Variants in VPS18 observed in about 807,000 individuals in gnomAD.
The protein encoded by VPS18 is vacuolar protein sorting-associated protein 18 homolog.
A neutral mutation model predicts 82.0 loss-of-function variants in VPS18; 25 were observed. The ratio of observed to expected loss-of-function variants is 0.30; its 90% CI spans 0.22 to 0.43. VPS18 has a LOEUF of 0.43. Among genes scored for constraint, VPS18 ranks in the 20% least tolerant of loss-of-function variants. The pLI is 1.00. For missense variants in VPS18, 1,168 were observed against 1,311.1 expected, an observed-to-expected ratio of 0.89 and a Z score of 1.69; for synonymous variants, 523 against 543.0, an observed-to-expected ratio of 0.96 and a Z score of 0.51.
chr15:40,896,592 C>G (rs1328230838), intron 2 of VPS18, among the ~76,000 whole-genome samples: 1 of 151,776 alleles, frequency 6.6e-6, no homozygotes, highest in East Asian at 1.9e-4. Context: ...GGGTGGATCA[C>G]CTGAGGTCAG....
chr15:40,902,185 T>A lies in VPS18; in HGVS notation c.2197-431T>A, dbSNP rs1036985719. ...AGGAGTGCAGTGGCCCAATCTCGGC[T>A]CACTGCAAGCTCAGCCTCCCAGGTT... On this transcript the variant is annotated intron_variant, in intron 4 of 4. Coordinates refer to ENST00000220509, the MANE Select transcript of VPS18 (RefSeq NM_020857.3). This position sits in a 1 kb window ranked among gnomAD's most constrained non-coding sequence, Gnocchi z 4.2. Among the ~76,000 whole-genome samples the A allele has an allele frequency of 2.0e-5, 3 of 151,476 alleles. No individual in the cohort carries two copies. The highest frequency in any genetic ancestry group is 4.4e-5 in the Non-Finnish European group (3 of 67,894).
chr15:40,903,173 C>T lies in VPS18; in HGVS notation c.2754C>T (p.Ala918=), dbSNP rs201549756. The T allele has an allele frequency of 8.5e-4, 1,359 of 1,606,444 alleles. 1 individual carries two copies. Among genetic ancestry groups the T allele is most frequent in the East Asian group, 3.4e-3 (150 of 44,592 alleles). The part of the protein sequence containing the change: ...PAKGSARAKE[A]EGGAATAGPS... ...AGGGCTCTGCCCGGGCCAAGGAGGC[C>T]GAGGGTGGGGCTGCCACGGCAGGGC... The change falls in exon 5 of 5, where the codon GCC becomes GCT. Residue 918 remains alanine, a synonymous_variant. Transcript: ENST00000220509.
chr15:40,898,266 T>C (rs1170824297), intron 2 of VPS18, among the ~76,000 whole-genome samples: 1 of 150,450 alleles, frequency 6.6e-6, no homozygotes, highest in African/African-American at 2.5e-5. Context: ...TTTTTTTTTT[T>C]TCCCCCCTTT....
intron 2 of VPS18, chr15:40,898,690 C>G: frequency 1.7e-6 from 1 of 593,448 alleles, no homozygotes; most frequent in Non-Finnish European, 3.0e-6. Context: ...CCAGTCTGGT[C>G]TCAAACTCCT....
chr15:40,903,117 A>G lies in VPS18; in HGVS notation c.2698A>G (p.Arg900Gly). 6.2e-7 allele frequency: 1 copy of G among 1,612,406 alleles called. No homozygotes were observed. Among genetic ancestry groups the G allele is most frequent in the African/African-American group, 1.3e-5 (1 of 75,000 alleles). ...YKQARLEELQ[R>G]KLGAAPPPAK... is the part of the protein sequence containing the mutation. ...GCAGGCCCGGCTGGAGGAGCTGCAG[A>G]GGAAGCTGGGGGCTGCTCCACCCCC... is the stretch of plus-strand genomic sequence containing the variant. Residue 900 changes from arginine (R) to glycine (G), a missense_variant, in exon 5 of 5, where the codon AGG becomes GGG. Physicochemically the swap from Arg to Gly is moderately radical, Grantham distance 125 (BLOSUM62 -2). Coordinates refer to ENST00000220509, the MANE Select transcript of VPS18 (RefSeq NM_020857.3).
At position 40,894,690 on chromosome 15, in the gene VPS18, C is replaced by T; in HGVS notation, c.-79C>T. 1 of 1,401,704 alleles carries T rather than the reference C, an allele frequency of 7.1e-7. No individual in the cohort carries two copies. The highest frequency in any genetic ancestry group is 2.7e-5 in the East Asian group (1 of 37,092). The allele number at this position is 1,401,704 out of a possible 1,614,324, so 86.8% of individuals were successfully genotyped here. A position where few individuals can be genotyped will look rare whatever the true frequency, so the allele number is the denominator to read the frequency against. On this transcript the variant is annotated 5_prime_UTR_variant, in exon 1 of 5. Coordinates refer to ENST00000220509, the MANE Select transcript of VPS18 (RefSeq NM_020857.3). ...AGGCTGGGGAGTTACAGCTTCCATT[C>T]TGGGGCGACGGGGACCCCGGGGGGG...
rs781370083 is a variant in VPS18, at chr15:40,898,893, GC to G, written c.234-13del. 1.2e-6 allele frequency: 2 copies of G among 1,611,876 alleles called. No homozygotes were observed. The highest frequency in any genetic ancestry group is 2.2e-5 in the South Asian group (2 of 90,776). On this transcript the variant is annotated splice_polypyrimidine_tract_variant and intron_variant, in intron 2 of 4. Coordinates refer to ENST00000220509, the MANE Select transcript of VPS18 (RefSeq NM_020857.3). ...TTCCCTTCTCTAAAGTGATGGTGAC[GC>G]TTGTCCCCACAGCATTGACTTGGGC...
At position 40,902,348 on chromosome 15, in the gene VPS18, C is replaced by T. The variant is rs1177826671; in HGVS notation, c.2197-268C>T. 6.6e-6 allele frequency among the ~76,000 whole-genome samples: 1 copy of T among 152,128 alleles called. No individual in the cohort carries two copies. Among genetic ancestry groups the T allele is most frequent in the Non-Finnish European group, 1.5e-5 (1 of 68,010 alleles). Reference sequence around the variant, plus strand: ...CAGGATGGTCTCGATCTCCTGACCTCGTGATCTGCCTGCCTTGGCCTCCCA... The same window carrying T: ...CAGGATGGTCTCGATCTCCTGACCTTGTGATCTGCCTGCCTTGGCCTCCCA... On this transcript the variant is annotated intron_variant, in intron 4 of 4. Coordinates refer to ENST00000220509, the MANE Select transcript of VPS18 (RefSeq NM_020857.3). The surrounding 1 kb of genome is among the most constrained non-coding windows in gnomAD (Gnocchi z 4.2).
rs574087778 is a variant in VPS18 at position 40,900,242 on chromosome 15, G to A, written c.1424G>A (p.Arg475Gln). The change falls in exon 4 of 5, where the codon CGA becomes CAA. Residue 475 changes from arginine (R) to glutamine (Q), a missense_variant. This residue lies in a region of VPS18 where 868 missense variants were observed against 939.8 expected (regional missense o/e 0.92). Transcript: ENST00000220509. The surrounding 1 kb of genome is among the most constrained non-coding windows in gnomAD (Gnocchi z 5.4). ...QEEALAEFLQ[R>Q]KLASLKPAER... ...GAGGCTCTGGCTGAGTTCCTGCAGC[G>A]AAAACTGGCCAGTTTGAAGCCAGCC... 2.2e-5 allele frequency: 35 copies of A among 1,613,720 alleles called. No homozygotes were observed. The highest frequency in any genetic ancestry group is 1.7e-4 in the Admixed American group (10 of 60,018).
In VPS18 at chr15:40,900,342, C is replaced by T. The variant is rs79536497; in HGVS notation, c.1524C>T (p.Gly508=). ...TGAGCCGGCTTGGGGCTCTGCAGGG[C>T]GACCCAGAGGCCCTGACTCTCTACC... ...LYLSRLGALQ[G]DPEALTLYRE... Residue 508 remains glycine (G), a synonymous_variant, in exon 4 of 5, where the codon GGC becomes GGT. Coordinates refer to ENST00000220509, the MANE Select transcript of VPS18 (RefSeq NM_020857.3). The surrounding 1 kb of genome is among the most constrained non-coding windows in gnomAD (Gnocchi z 5.4). 9,305 of 1,613,592 alleles carry T rather than the reference C, an allele frequency of 5.8e-3. 29 individuals are homozygous for T. The highest frequency in any genetic ancestry group is 7.2e-3 in the Non-Finnish European group (8,465 of 1,180,000).
At position 40,899,584 on chromosome 15, in the gene VPS18, C is replaced by T. The variant is rs773794082; in HGVS notation, c.766C>T (p.Pro256Ser). The change falls in exon 4 of 5, where the codon CCC becomes TCC. Residue 256 changes from proline to serine, a missense_variant. Physicochemically the swap from Pro to Ser is moderately conservative, Grantham distance 74. This residue lies in a region of VPS18 where 868 missense variants were observed against 939.8 expected (regional missense o/e 0.92). Coordinates refer to ENST00000220509, the MANE Select transcript of VPS18 (RefSeq NM_020857.3). The surrounding 1 kb of genome is among the most constrained non-coding windows in gnomAD (Gnocchi z 4.4). ...CTTTGCAGCTTACACGGACCACCCA[C>T]CCCCATTCCGTGAGTTTCCCAGCAA... ...GLFAAYTDHP[P>S]PFREFPSNLG... The T allele has an allele frequency of 6.2e-7, 1 of 1,608,534 alleles. No individual in the cohort carries two copies. The highest frequency in any genetic ancestry group is 8.5e-7 in the Non-Finnish European group (1 of 1,180,004).
chr15:40,896,608 C>G (rs557607436), intron 2 of VPS18, among the ~76,000 whole-genome samples: 12 of 151,426 alleles, frequency 7.9e-5, no homozygotes, highest in African/African-American at 2.9e-4. Flanking sequence ...GTCAGGAGTT[C>G]GACACCAGCC....
chr15:40,902,768 C>T lies in VPS18; in HGVS notation c.2349C>T (p.Leu783=), dbSNP rs1400161054. Residue 783 remains leucine, a synonymous_variant, in exon 5 of 5, where the codon CTC becomes CTT. Transcript: ENST00000220509. The surrounding 1 kb of genome is among the most constrained non-coding windows in gnomAD (Gnocchi z 4.2). The part of the protein sequence containing the change: ...AMACLASCPL[L]KIEDVLPFFP... ...CTTGCCTGGCTAGCTGCCCCTTGCT[C>T]AAGATTGAGGATGTGCTGCCCTTCT... The T allele has an allele frequency of 6.2e-7, 1 of 1,614,248 alleles. No individual in the cohort carries two copies. Among genetic ancestry groups the T allele is most frequent in the African/African-American group, 1.3e-5 (1 of 75,068 alleles).
chr15:40,896,113 A>T, intron 2 of VPS18, 34 bp downstream of exon 2: 1 of 1,612,582 alleles, frequency 6.2e-7, no homozygotes, highest in South Asian at 1.1e-5. Flanking sequence ...AGGAGTAGGG[A>T]CTAGAGAGGT....
intron 1 of VPS18, among the ~76,000 whole-genome samples, 162 bp downstream of exon 1, chr15:40,895,021 A>G (rs1426245179): frequency 6.6e-6 from 1 of 152,204 alleles, no homozygotes; most frequent in Admixed American, 6.5e-5. Context: ...CAGCTGGTGG[A>G]TAGTCGAAGT....
In VPS18 at chr15:40,899,404, C is replaced by T. The variant is rs754736522; in HGVS notation, c.586C>T (p.Leu196=). ...TCTCTACTTCCGCCCATTGTACGTG[C>T]TAAATGAAGAAGGGGGTCCAGCACC... ...PDLYFRPLYV[L]NEEGGPAPVC... Residue 196 remains leucine (L), a synonymous_variant, in exon 4 of 5, where the codon CTA becomes TTA. Transcript: ENST00000220509. The surrounding 1 kb of genome is among the most constrained non-coding windows in gnomAD (Gnocchi z 4.4). 1 of 1,604,826 alleles carries T rather than the reference C, an allele frequency of 6.2e-7. No individual in the cohort carries two copies. Among genetic ancestry groups the T allele is most frequent in the Non-Finnish European group, 8.5e-7 (1 of 1,173,150 alleles).
chr15:40,899,040 T>C lies in VPS18; in HGVS notation c.325+42T>C, dbSNP rs1423909833. 1 of 1,610,868 alleles carries C rather than the reference T, an allele frequency of 6.2e-7. No individual in the cohort carries two copies. Among genetic ancestry groups the C allele is most frequent in the Admixed American group, 1.7e-5 (1 of 59,812 alleles). The stretch of plus-strand genomic sequence containing the variant: ...ATCTGAGGAGGGGGTCTCTGGTCAG[T>C]CACTGCCTGGGTGGGTGGGCTCTGA... On this transcript the variant is annotated intron_variant, in intron 3 of 4. Coordinates refer to ENST00000220509, the MANE Select transcript of VPS18 (RefSeq NM_020857.3). The surrounding 1 kb of genome is among the most constrained non-coding windows in gnomAD (Gnocchi z 4.4).
Position 40,903,629 on chromosome 15 carries a change from CTCTAG to C in VPS18, c.*289_*293del. 3.0e-6 allele frequency: 1 copy of C among 327,906 alleles called. No homozygotes were observed. Among genetic ancestry groups the C allele is most frequent in the Non-Finnish European group, 5.6e-6 (1 of 178,614 alleles). The allele number at this position is 327,906 out of a possible 1,614,324, so 20.3% of individuals were successfully genotyped here. On this transcript the variant is annotated 3_prime_UTR_variant, in exon 5 of 5. Transcript: ENST00000220509. The stretch of plus-strand genomic sequence containing the variant: ...AATCTGACCCAATTCCACCCCCTGC[CTCTAG>C]CACCTCTTCTGTCCCTGTCATTCCC...
chr15:40,901,736 T>C (rs1200219316), intron 4 of VPS18, among the ~76,000 whole-genome samples: 1 of 151,954 alleles, frequency 6.6e-6, no homozygotes, highest in African/African-American at 2.4e-5. Flanking sequence ...CGAAACCCTG[T>C]CTCTACTGAA....
Sources: gnomAD v4.1 joint callset for allele counts (sites outside exome capture counted in the v4.1 genomes callset) on GRCh38, gnomAD v4.1.1 for gene constraint, gnomAD v4.1.1 regional missense constraint, Gnocchi (gnomAD v3.1) non-coding constraint, MANE v1.5 for transcripts, NCBI Gene and HGNC (gene_info 2026-07-23, HGNC 2026-07-21) for gene names.